Variants in ANKRD13A observed in about 807,000 individuals in gnomAD.
ANKRD13A encodes the protein ankyrin repeat domain-containing protein 13A.
ANKRD13A carries 48 observed loss-of-function variants against 81.3 expected under a neutral mutation model. The ratio of observed to expected loss-of-function variants is 0.59; its 90% confidence interval spans 0.47 to 0.75. ANKRD13A has a LOEUF of 0.75. Among genes scored for constraint, ANKRD13A ranks in the 30% least tolerant of loss-of-function variants. The pLI, the probability that ANKRD13A is intolerant of heterozygous loss-of-function variation, is 0.00. For synonymous variants in ANKRD13A, 230 were observed against 270.1 expected (o/e 0.85, Z 1.45); for missense variants, 612 against 734.0 (o/e 0.83, Z 1.92).
rs371856022 is a variant in ANKRD13A at position 110,030,712 on chromosome 12, C to T, written c.1302C>T (p.Ala434=). ...GAAATGTTAATGGCTGTAGCACTGC[C>T]GAAGAATCTGTATCTCAAAATGTGG... ...TFGNVNGCST[A]EESVSQNVEG... The change falls in exon 12 of 15, where the codon GCC becomes GCT. Residue 434 remains alanine (A), a synonymous_variant. Transcript: ENST00000261739. 8.6e-5 allele frequency: 139 copies of T among 1,608,550 alleles called. 2 individuals are homozygous for T. The highest frequency in any genetic ancestry group is 4.8e-4 in the South Asian group (43 of 90,086).
At chr12:110,003,284 G>A (rs1171059588) in intron 1 of ANKRD13A, among the ~76,000 whole-genome samples, 1 of 152,176 alleles carries the variant, frequency 6.6e-6, no homozygotes, top group Non-Finnish European at 1.5e-5. Flanking sequence ...ATAGCACCTA[G>A]GTAAGAGGAG....
intron 1 of ANKRD13A, among the ~76,000 whole-genome samples, chr12:110,008,196 T>C (rs949257000): frequency 2.0e-5 from 3 of 152,214 alleles, no homozygotes; most frequent in African/African-American, 7.2e-5. Flanking sequence ...TTGGTTTTTT[T>C]CTTTTAATCA....
intron 13 of ANKRD13A, among the ~76,000 whole-genome samples, chr12:110,034,668 G>A (rs920720380): frequency 6.6e-6 from 1 of 152,142 alleles, no homozygotes; most frequent in African/African-American, 2.4e-5. Flanking sequence ...GACAGTCCAA[G>A]GCTTGAGGTC....
chr12:109,999,828 G>A lies in ANKRD13A; in HGVS notation c.96+44G>A. ...GTCCGTCTCCCGGTGGGGACTTCGG[G>A]GAATCGGGGGTCGTTTCGCCTCCCT... On this transcript the variant is annotated intron_variant, in intron 1 of 14. Transcript: ENST00000261739. This position sits in a 1 kb window ranked among gnomAD's most constrained non-coding sequence, Gnocchi z 4.3. 1 of 1,475,280 alleles carries A rather than the reference G, an allele frequency of 6.8e-7. No individual in the cohort carries two copies. Among genetic ancestry groups the A allele is most frequent in the Non-Finnish European group, 9.1e-7 (1 of 1,102,062 alleles). The allele number at this position is 1,475,280 out of a possible 1,614,324, so 91.4% of individuals were successfully genotyped here.
At chr12:110,008,794 A>G (rs1890365852) in intron 1 of ANKRD13A, among the ~76,000 whole-genome samples, 1 of 152,176 alleles carries the variant, frequency 6.6e-6, no homozygotes, top group Non-Finnish European at 1.5e-5. Flanking sequence ...CTGAGGCACA[A>G]GAATCACTTG....
At chr12:110,027,996 C>G (rs1891442438) in intron 9 of ANKRD13A, 1 of 535,642 alleles carries the variant, frequency 1.9e-6, no homozygotes, top group Non-Finnish European at 3.3e-6. Context: ...GGTGCTTTCC[C>G]TCTTATCCAT....
At chr12:110,017,130 G>A (rs561301910) in intron 4 of ANKRD13A, among the ~76,000 whole-genome samples, 3 of 151,746 alleles carry the variant, frequency 2.0e-5, no homozygotes, top group South Asian at 2.1e-4. Context: ...GGCTGGTCTC[G>A]AACTCCTGTC....
chr12:110,026,172 A>G (rs1022113796), intron 8 of ANKRD13A, among the ~76,000 whole-genome samples: 3 of 151,840 alleles, frequency 2.0e-5, no homozygotes, highest in East Asian at 2.0e-4. Flanking sequence ...CATGTTGGCC[A>G]GGCTGGTCTC....
At position 110,004,168 on chromosome 12, in the gene ANKRD13A, T is replaced by A. The variant is rs552563827; in HGVS notation, c.96+4384T>A. On this transcript the variant is annotated intron_variant, in intron 1 of 14. Coordinates refer to ENST00000261739, the MANE Select transcript of ANKRD13A (RefSeq NM_033121.2). ...ATGAGACTCCATCTCAAAAAAAAAA[T>A]AAATTTTTTTTAAGGCTTTTGAGCA... Among the ~76,000 whole-genome samples, 49 of 151,278 alleles carry A rather than the reference T, an allele frequency of 3.2e-4. No individual in the cohort carries two copies. The East Asian group carries it at 8.0e-3, about 25-fold the overall frequency.
At position 110,037,620 on chromosome 12, in the gene ANKRD13A, C is replaced by T. The variant is rs926972168; in HGVS notation, c.*66C>T. On this transcript the variant is annotated 3_prime_UTR_variant, in exon 15 of 15. Coordinates refer to ENST00000261739, the MANE Select transcript of ANKRD13A (RefSeq NM_033121.2). ...GGGCTGTCACAGATGCTGTGTCAACCAGGGCCCTAGGGCTAAGGGCCTGCA... is the reference window on the plus strand; with the variant it reads ...GGGCTGTCACAGATGCTGTGTCAACTAGGGCCCTAGGGCTAAGGGCCTGCA... The T allele has an allele frequency of 4.7e-5, 72 of 1,536,364 alleles. No homozygotes were observed. The African/African-American group carries it at 7.8e-4, about 17-fold the overall frequency.
chr12:110,028,701 T>C, intron 10 of ANKRD13A, 59 bp downstream of exon 10: 2 of 1,608,296 alleles, frequency 1.2e-6, no homozygotes, highest in Admixed American at 3.3e-5. Flanking sequence ...TGTGCTGTTT[T>C]ATGGTGTTAT....
At position 110,037,800 on chromosome 12, in the gene ANKRD13A, C is replaced by T. The variant is rs1892156748; in HGVS notation, c.*246C>T. On this transcript the variant is annotated 3_prime_UTR_variant, in exon 15 of 15. Transcript: ENST00000261739. Reference sequence around the variant, plus strand: ...GGCTAAGGGGAGGAGAGCATCATCACTTTCCATTAGCTGTATTGGCTTGCA... The same window carrying T: ...GGCTAAGGGGAGGAGAGCATCATCATTTTCCATTAGCTGTATTGGCTTGCA... 2.6e-6 allele frequency: 1 copy of T among 389,236 alleles called. No individual in the cohort carries two copies. The highest frequency in any genetic ancestry group is 4.2e-5 in the Admixed American group (1 of 23,976). 24.1% of individuals were successfully genotyped at this position (389,236 alleles called of 1,614,324 possible).
At chr12:110,006,939 G>A (rs1022563228) in intron 1 of ANKRD13A, among the ~76,000 whole-genome samples, 1 of 152,150 alleles carries the variant, frequency 6.6e-6, no homozygotes, top group East Asian at 1.9e-4. Context: ...TGTTCAAGCG[G>A]CACTTGTTGA....
chr12:110,003,438 G>C (rs1459427839), intron 1 of ANKRD13A, among the ~76,000 whole-genome samples: 1 of 152,206 alleles, frequency 6.6e-6, no homozygotes, highest in Non-Finnish European at 1.5e-5. Context: ...GTCATCGGGG[G>C]TTCAAGCTCA....
intron 1 of ANKRD13A, among the ~76,000 whole-genome samples, chr12:110,008,666 C>G (rs1284289239): frequency 6.6e-6 from 1 of 152,188 alleles, no homozygotes; most frequent in African/African-American, 2.4e-5. Context: ...GGGCAGATCA[C>G]ATGAGGTTAG....
intron 9 of ANKRD13A, 39 bp from the exon 10 acceptor site, chr12:110,028,473 A>G (rs1166711775): frequency 8.1e-6 from 13 of 1,611,510 alleles, no homozygotes; most frequent in South Asian, 1.1e-5. Context: ...TGTGAACATC[A>G]TTTGGCATTT....
rs931502089 is a variant in ANKRD13A at position 110,012,106 on chromosome 12, T to C, written c.198T>C (p.Asp66=). ...GAGTCTTACTCCGACATAAAGCAGA[T>C]GTGACAAAAGAAAATCGCCAGGGAT... ...SARVLLRHKA[D]VTKENRQGWT... Residue 66 remains aspartate, a synonymous_variant, in exon 2 of 15, where the codon GAT becomes GAC. Coordinates refer to ENST00000261739, the MANE Select transcript of ANKRD13A (RefSeq NM_033121.2). 3 of 1,612,238 alleles carry C rather than the reference T, an allele frequency of 1.9e-6. No homozygotes were observed. Among genetic ancestry groups the C allele is most frequent in the East Asian group, 2.2e-5 (1 of 44,836 alleles).
intron 13 of ANKRD13A, among the ~76,000 whole-genome samples, chr12:110,035,667 C>T (rs2137190435): frequency 6.6e-6 from 1 of 152,126 alleles, no homozygotes; most frequent in Admixed American, 6.5e-5. Context: ...CCAGGCTGAT[C>T]CCAAACTCCA....
rs768945364 is a variant in ANKRD13A, at chr12:110,013,184, C to T, written c.289C>T (p.Arg97Ter). ...GATGGTGTACACAGTTCTCCAACAT[C>T]GAGACTACCACAACACATCCATGGC... is the stretch of plus-strand genomic sequence containing the variant. Reference protein sequence around the residue: ...PEMVYTVLQHRDYHNTSMALE... With the variant: ...PEMVYTVLQH The change falls in exon 3 of 15, where the codon CGA becomes TGA. Residue 97 changes from arginine to a stop codon, truncating the protein, a stop_gained. Coordinates refer to ENST00000261739, the MANE Select transcript of ANKRD13A (RefSeq NM_033121.2). LOFTEE classifies it high-confidence loss of function. 4 of 1,614,034 alleles carry T rather than the reference C, an allele frequency of 2.5e-6. No homozygotes were observed. Among genetic ancestry groups the T allele is most frequent in the Non-Finnish European group, 3.4e-6 (4 of 1,180,024 alleles).
Sources: allele counts gnomAD v4.1 joint callset (sites outside exome capture counted in the v4.1 genomes callset), GRCh38; gene constraint gnomAD v4.1.1; non-coding constraint Gnocchi (gnomAD v3.1); transcripts MANE v1.5; gene names NCBI Gene and HGNC (gene_info 2026-07-23, HGNC 2026-07-21).